The following TMEM232 variants were observed in gnomAD, a reference collection of about 807,000 sequenced individuals.
The protein encoded by TMEM232 is transmembrane protein 232.
TMEM232 carries 80 observed loss-of-function variants against 78.8 expected under a neutral mutation model. The observed-to-expected ratio is 1.01, with a 90% confidence interval of 0.85 to 1.22. TMEM232 has a LOEUF of 1.22. TMEM232 is among the 50% of genes most tolerant of loss of function. The probability of loss-of-function intolerance (pLI) is 0.00; values close to 1 mark genes in which losing one functional copy is unlikely to be tolerated. For synonymous variants in TMEM232, 297 were observed against 254.3 expected (o/e 1.17, Z -1.60); for missense variants, 881 against 742.2 (o/e 1.19, Z -2.17).
chr5:110,541,180 G>A (rs907636383), intron 11 of TMEM232, among the ~76,000 whole-genome samples: 12 of 152,142 alleles, frequency 7.9e-5, no homozygotes, highest in Non-Finnish European at 1.8e-4. Flanking sequence ...CCTTGGCCAT[G>A]GTTAACAGGC....
At chr5:110,646,253 G>C (rs1353971979) in intron 2 of TMEM232, among the ~76,000 whole-genome samples, 1 of 151,622 alleles carries the variant, frequency 6.6e-6, no homozygotes, top group Non-Finnish European at 1.5e-5. Context: ...GAACTACAAA[G>C]ACCTTGAATA....
At chr5:110,659,554 G>C (rs1165419612) in intron 2 of TMEM232, among the ~76,000 whole-genome samples, 1 of 151,958 alleles carries the variant, frequency 6.6e-6, no homozygotes, top group African/African-American at 2.4e-5. Context: ...CCATCCAAAG[G>C]AAAATGAGTA....
At chr5:110,431,049 T>C (rs1757781585) in intron 12 of TMEM232, among the ~76,000 whole-genome samples, 1 of 151,626 alleles carries the variant, frequency 6.6e-6, no homozygotes, top group Non-Finnish European at 1.5e-5. Flanking sequence ...GGAGAGTACT[T>C]GGCAATCTTA....
At chr5:110,632,803 A>G (rs1326628685) in intron 5 of TMEM232, among the ~76,000 whole-genome samples, 1 of 152,186 alleles carries the variant, frequency 6.6e-6, no homozygotes, top group East Asian at 1.9e-4. Context: ...TCCCTAAAGG[A>G]GAAAAGTGAA....
At chr5:110,700,786 G>GCAGA (rs375091068) in intron 1 of TMEM232, among the ~76,000 whole-genome samples, 1 of 142,610 alleles carries the variant, frequency 7.0e-6, no homozygotes, top group Non-Finnish European at 1.5e-5. Flanking sequence ...AGATAGATAG[G>GCAGA]TAGATAGATA....
chr5:110,574,636 C>T (rs1017327389), intron 10 of TMEM232, among the ~76,000 whole-genome samples: 7 of 151,898 alleles, frequency 4.6e-5, no homozygotes, highest in African/African-American at 1.5e-4. Flanking sequence ...TGTGACCAAG[C>T]CCCCCCAAAA....
At chr5:110,630,697 C>A (rs537851929) in intron 5 of TMEM232, among the ~76,000 whole-genome samples, 1 of 152,078 alleles carries the variant, frequency 6.6e-6, no homozygotes, top group South Asian at 2.1e-4. Context: ...AATATTAAAC[C>A]CCTTTTCTTC....
intron 1 of TMEM232, among the ~76,000 whole-genome samples, chr5:110,694,718 A>G (rs1363219864): frequency 6.6e-6 from 1 of 151,934 alleles, no homozygotes; most frequent in African/African-American, 2.4e-5. Context: ...AGGCCATTAC[A>G]TAATGGTAAA....
chr5:110,394,266 G>A (rs562170834), intron 3 of TMEM232, among the ~76,000 whole-genome samples: 13 of 152,236 alleles, frequency 8.5e-5, no homozygotes, highest in Admixed American at 7.2e-4. Context: ...CATCTATGCA[G>A]TTGCAAATAT....
At chr5:110,598,755 G>T (rs752281638) in intron 10 of TMEM232, among the ~76,000 whole-genome samples, 33 of 149,338 alleles carry the variant, frequency 2.2e-4, no homozygotes, top group Admixed American at 4.0e-4. Context: ...GTAAACTATC[G>T]CAAGGACAAA....
intron 11 of TMEM232, among the ~76,000 whole-genome samples, chr5:110,529,621 G>A (rs1255563912): frequency 1.3e-5 from 2 of 152,038 alleles, no homozygotes; most frequent in African/African-American, 2.4e-5. Flanking sequence ...TTAAATTGAC[G>A]ATGTTTAAGA....
intron 10 of TMEM232, among the ~76,000 whole-genome samples, chr5:110,590,208 T>A (rs1476064233): frequency 6.6e-6 from 1 of 152,154 alleles, no homozygotes; most frequent in African/African-American, 2.4e-5. Flanking sequence ...TTTGACTCTG[T>A]GAAAAGCTTG....
At position 110,426,600 on chromosome 5, in the gene TMEM232, G is replaced by A. The variant is rs939134344; in HGVS notation, c.1704-1684C>T. ...AGTAGGAGTTCAAAAGAAAACAATG[G>A]AAGTTACAGGCAACCAGGAAAAATG... On this transcript the variant is annotated intron_variant, in intron 12 of 13. Coordinates refer to ENST00000455884, the MANE Select transcript of TMEM232 (RefSeq NM_001039763.4). Among the ~76,000 whole-genome samples, 57 of 151,910 alleles carry A rather than the reference G, an allele frequency of 3.8e-4. 1 individual carries two copies. The highest frequency in any genetic ancestry group is 4.4e-5 in the Non-Finnish European group (3 of 67,910).
intron 1 of TMEM232, among the ~76,000 whole-genome samples, chr5:110,723,135 G>T (rs1797813581): frequency 2.0e-5 from 3 of 151,902 alleles, no homozygotes; most frequent in Admixed American, 2.0e-4. Context: ...AACCTATCTG[G>T]GCCTGGTACT....
At chr5:110,538,658 G>A (rs1289971629) in intron 11 of TMEM232, among the ~76,000 whole-genome samples, 2 of 152,190 alleles carry the variant, frequency 1.3e-5, no homozygotes, top group African/African-American at 4.8e-5. Flanking sequence ...AAGGGGTTCA[G>A]TCAGGCAAAA....
At chr5:110,719,994 G>A (rs994726011) in intron 1 of TMEM232, among the ~76,000 whole-genome samples, 8 of 152,090 alleles carry the variant, frequency 5.3e-5, no homozygotes, top group African/African-American at 1.7e-4. Context: ...TCTGGTTCTC[G>A]CTGGTGAACT....
At chr5:110,550,901 A>T (rs2149612691) in intron 11 of TMEM232, among the ~76,000 whole-genome samples, 1 of 151,578 alleles carries the variant, frequency 6.6e-6, no homozygotes, top group African/African-American at 2.4e-5. Context: ...AAGTTCAGAT[A>T]ATCTAGAACA....
chr5:110,409,085 T>TAG (rs1755897285), intron 2 of TMEM232, among the ~76,000 whole-genome samples: 1 of 152,204 alleles, frequency 6.6e-6, no homozygotes, highest in South Asian at 2.1e-4. Context: ...TTACACAGCT[T>TAG]CATCTATTTA....
intron 12 of TMEM232, chr5:110,430,007 C>T (rs1316933883): frequency 6.6e-6 from 1 of 151,690 alleles, no homozygotes; most frequent in Admixed American, 6.6e-5. Context: ...GATATAGACA[C>T]TGTCCATGGA....
Sources: gnomAD v4.1 joint callset for allele counts (sites outside exome capture counted in the v4.1 genomes callset) on GRCh38, gnomAD v4.1.1 for gene constraint, MANE v1.5 for transcripts, NCBI Gene and HGNC (gene_info 2026-07-23, HGNC 2026-07-21) for gene names.